The following NEK11 variants were observed in gnomAD, a reference collection of about 807,000 sequenced individuals.
NEK11 encodes serine/threonine-protein kinase Nek11.
Under a neutral mutation model 80.7 loss-of-function variants are expected in NEK11, and 72 were observed. That is an observed-to-expected ratio of 0.89 (90% CI 0.74 to 1.08). The LOEUF (loss-of-function observed/expected upper bound fraction) is 1.08, where lower values mean the gene tolerates loss of function less well. Ranked by LOEUF, NEK11 falls within the 50% of genes least tolerant of loss-of-function variation. The pLI is 0.00. For missense variants in NEK11, 764 were observed against 763.6 expected, an observed-to-expected ratio of 1.00 and a Z score of -0.01; for synonymous variants, 251 against 260.7, an observed-to-expected ratio of 0.96 and a Z score of 0.36.
intron 3 of NEK11, among the ~76,000 whole-genome samples, chr3:131,032,178 T>C (rs945169704): frequency 1.3e-5 from 2 of 152,170 alleles, no homozygotes; most frequent in Admixed American, 1.3e-4. Context: ...GCCAGGCTGG[T>C]CTTGAACTCC....
At chr3:131,267,681 C>A (rs11711555) in intron 16 of NEK11, among the ~76,000 whole-genome samples, 4,262 of 152,016 alleles carry the variant, frequency 0.028, 118 homozygotes, top group Admixed American at 0.091. Flanking sequence ...GTAACCTGAC[C>A]TTTCTCTCTG....
At chr3:131,137,413 G>C (rs1163603843) in intron 7 of NEK11, among the ~76,000 whole-genome samples, 2 of 152,034 alleles carry the variant, frequency 1.3e-5, no homozygotes. Context: ...CTAAAATGAG[G>C]CCATCTAGTA....
At chr3:131,063,409 G>T (rs1011009213) in intron 3 of NEK11, among the ~76,000 whole-genome samples, 3 of 152,150 alleles carry the variant, frequency 2.0e-5, no homozygotes, top group African/African-American at 2.4e-5. Context: ...TTCATTCCAG[G>T]ACCATCTTCT....
chr3:131,077,468 T>C (rs1335707064), intron 3 of NEK11, among the ~76,000 whole-genome samples: 4 of 152,116 alleles, frequency 2.6e-5, no homozygotes, highest in Non-Finnish European at 5.9e-5. Flanking sequence ...TGTGGACAAA[T>C]GAGATTTTAT....
At chr3:131,287,327 G>A (rs1298688138) in intron 17 of NEK11, among the ~76,000 whole-genome samples, 1 of 152,186 alleles carries the variant, frequency 6.6e-6, no homozygotes, top group African/African-American at 2.4e-5. Context: ...GGGCTGGGGT[G>A]CAGTGGTGTG....
At chr3:131,163,862 G>C (rs2091926554) in intron 11 of NEK11, among the ~76,000 whole-genome samples, 1 of 152,162 alleles carries the variant, frequency 6.6e-6, no homozygotes. Context: ...AAGAGGCTTA[G>C]AGCCTCAATT....
Position 131,246,518 on chromosome 3 carries a change from C to T in NEK11, c.1621+3022C>T, listed in dbSNP as rs946124949. On this transcript the variant is annotated intron_variant, in intron 16 of 17. Coordinates refer to ENST00000383366, the MANE Select transcript of NEK11 (RefSeq NM_024800.5). ...ACATTTTCTTTATCCACTCATTGAT[C>T]GATGGACATTTGGGCTGGTTCCATA... is the stretch of plus-strand genomic sequence containing the variant. Among the ~76,000 whole-genome samples the T allele has an allele frequency of 3.9e-5, 6 of 152,208 alleles. No individual in the cohort carries two copies. The South Asian group carries it at 6.2e-4, about 16-fold the overall frequency.
intron 17 of NEK11, among the ~76,000 whole-genome samples, chr3:131,318,739 G>A (rs1581873362): frequency 6.9e-6 from 1 of 145,542 alleles, no homozygotes; most frequent in East Asian, 2.0e-4. Context: ...GTGTACATGT[G>A]TATATATATA....
intron 14 of NEK11, among the ~76,000 whole-genome samples, chr3:131,192,170 A>T (rs2093822680): frequency 6.6e-6 from 1 of 152,204 alleles, no homozygotes; most frequent in African/African-American, 2.4e-5. Flanking sequence ...CAGATGGCCA[A>T]TAAGCACATA....
intron 16 of NEK11, among the ~76,000 whole-genome samples, chr3:131,264,585 G>T (rs995246727): frequency 5.2e-4 from 79 of 152,136 alleles, no homozygotes; most frequent in African/African-American, 1.8e-3. Flanking sequence ...TCTGTTTTGG[G>T]ACCAGTACCA....
At chr3:131,070,111 T>G (rs1297390771) in intron 3 of NEK11, among the ~76,000 whole-genome samples, 1 of 152,212 alleles carries the variant, frequency 6.6e-6, no homozygotes, top group Non-Finnish European at 1.5e-5. Flanking sequence ...TGGTAAATTT[T>G]TTTATATCCT....
intron 14 of NEK11, among the ~76,000 whole-genome samples, chr3:131,205,128 T>A (rs2094405553): frequency 6.6e-6 from 1 of 152,182 alleles, no homozygotes; most frequent in East Asian, 1.9e-4. Flanking sequence ...ATGCTGGAGC[T>A]GGGTGGGCTT....
chr3:131,201,985 C>A (rs2094249715), intron 14 of NEK11, among the ~76,000 whole-genome samples: 1 of 152,096 alleles, frequency 6.6e-6, no homozygotes, highest in Non-Finnish European at 1.5e-5. Context: ...TAGGTGTGCA[C>A]AACCACACCT....
chr3:131,286,747 T>C (rs1288330753), intron 17 of NEK11, among the ~76,000 whole-genome samples: 2 of 152,208 alleles, frequency 1.3e-5, no homozygotes, highest in African/African-American at 4.8e-5. Context: ...ATATCTGGAC[T>C]TCCAATGCCT....
chr3:131,050,139 CT>C (rs1361319251), intron 3 of NEK11, among the ~76,000 whole-genome samples: 4 of 152,336 alleles, frequency 2.6e-5, no homozygotes, highest in African/African-American at 9.6e-5. Context: ...TCCTTGGAAA[CT>C]GTGTGCCTAC....
intron 5 of NEK11, among the ~76,000 whole-genome samples, chr3:131,115,970 C>CT (rs2081124314): frequency 7.3e-6 from 1 of 136,914 alleles, no homozygotes; most frequent in Admixed American, 7.6e-5. Flanking sequence ...TTCTTTCTTT[C>CT]TTTCTTTCTT....
At chr3:131,288,661 T>A (rs1448380884) in intron 17 of NEK11, among the ~76,000 whole-genome samples, 2 of 151,768 alleles carry the variant, frequency 1.3e-5, no homozygotes, top group Non-Finnish European at 2.9e-5. Flanking sequence ...CATGTAGGTC[T>A]GACTTGTCTC....
intron 4 of NEK11, 91 bp from the exon 5 acceptor site, chr3:131,109,712 A>T: frequency 7.8e-7 from 1 of 1,274,464 alleles, no homozygotes; most frequent in Non-Finnish European, 1.1e-6. Context: ...TTTCTTATAA[A>T]CAGTGACTGC....
chr3:131,062,858 A>G (rs1046482823), intron 3 of NEK11, among the ~76,000 whole-genome samples: 1 of 152,110 alleles, frequency 6.6e-6, no homozygotes, highest in Non-Finnish European at 1.5e-5. Context: ...ACCGATCCCC[A>G]CTAATGCTGT....
Sources: gnomAD v4.1 joint callset for allele counts (sites outside exome capture counted in the v4.1 genomes callset) on GRCh38, gnomAD v4.1.1 for gene constraint, MANE v1.5 for transcripts, NCBI Gene and HGNC (gene_info 2026-07-23, HGNC 2026-07-21) for gene names.